Variants in ACSM5 observed in about 807,000 individuals in gnomAD.
ACSM5 encodes the protein acyl-coenzyme A synthetase ACSM5, mitochondrial.
Under a neutral mutation model 71.6 loss-of-function variants are expected in ACSM5, and 56 were observed. The observed-to-expected ratio is 0.78, with a 90% CI of 0.63 to 0.98. ACSM5 has a LOEUF of 0.98. Among genes scored for constraint, ACSM5 ranks in the 50% least tolerant of loss-of-function variants. The pLI is 0.00. For synonymous variants in ACSM5, 285 were observed against 281.5 expected, an observed-to-expected ratio of 1.01 and a Z score of -0.12; for missense variants, 723 against 726.0, an observed-to-expected ratio of 1.00 and a Z score of 0.05.
intron 8 of ACSM5, among the ~76,000 whole-genome samples, chr16:20,430,467 G>T (rs944434807): frequency 2.0e-5 from 3 of 152,030 alleles, no homozygotes; most frequent in Admixed American, 2.0e-4. Context: ...ATGTTTGAGT[G>T]CCCACTGGAG....
intron 5 of ACSM5, among the ~76,000 whole-genome samples, chr16:20,422,010 G>C (rs112987991): frequency 6.6e-6 from 1 of 151,914 alleles, no homozygotes; most frequent in Non-Finnish European, 1.5e-5. Flanking sequence ...TGTCCTCAAG[G>C]TTCATCCGTG....
intron 2 of ACSM5, among the ~76,000 whole-genome samples, chr16:20,414,897 G>A (rs964583670): frequency 7.2e-5 from 11 of 152,162 alleles, no homozygotes; most frequent in Non-Finnish European, 2.9e-5. Flanking sequence ...ACTGTTAGTA[G>A]AAATATGAAC....
intron 3 of ACSM5, among the ~76,000 whole-genome samples, 160 bp from the exon 4 acceptor site, chr16:20,419,068 T>C (rs1966865634): frequency 6.6e-6 from 1 of 152,152 alleles, no homozygotes; most frequent in Non-Finnish European, 1.5e-5. Context: ...CATGCACTTA[T>C]TCAGACGGCT....
rs750075114 is a variant in ACSM5, at chr16:20,421,229, G to A, written c.624-29G>A. ...GCTACTAACTGTTTTTACCGTGGTAGTGCCACCTAGTGTATTTACGTTTTA... is the reference window on the plus strand; with the variant it reads ...GCTACTAACTGTTTTTACCGTGGTAATGCCACCTAGTGTATTTACGTTTTA... On this transcript the variant is annotated intron_variant, in intron 4 of 13. Coordinates refer to ENST00000331849, the MANE Select transcript of ACSM5 (RefSeq NM_017888.3). 3.9e-6 allele frequency: 6 copies of A among 1,536,562 alleles called. No individual in the cohort carries two copies. In the South Asian group the frequency reaches 7.2e-5, roughly 19 times the overall value.
intron 10 of ACSM5, among the ~76,000 whole-genome samples, chr16:20,435,964 T>C (rs1392412800): frequency 3.4e-5 from 5 of 147,282 alleles, no homozygotes; most frequent in Admixed American, 6.8e-5. Flanking sequence ...TCTTTCCTTC[T>C]TTCTTCCTTC....
At chr16:20,417,054 C>T (rs183611352) in intron 2 of ACSM5, among the ~76,000 whole-genome samples, 2 of 140,560 alleles carry the variant, frequency 1.4e-5, no homozygotes, top group African/African-American at 2.6e-5. Flanking sequence ...CAATAACAAA[C>T]GTTGGAGATG....
chr16:20,417,667 T>G (rs1278402591), intron 2 of ACSM5, among the ~76,000 whole-genome samples: 1 of 152,212 alleles, frequency 6.6e-6, no homozygotes, highest in African/African-American at 2.4e-5. Flanking sequence ...TAAGAACCAG[T>G]GAGTTGTGCA....
chr16:20,412,420 T>C (rs934997935), intron 2 of ACSM5, among the ~76,000 whole-genome samples: 1 of 152,106 alleles, frequency 6.6e-6, no homozygotes, highest in African/African-American at 2.4e-5. Context: ...GCTCAAAGCT[T>C]TTTGCAGATC....
At chr16:20,421,019 G>T in intron 4 of ACSM5, 1 of 329,146 alleles carries the variant, frequency 3.0e-6, no homozygotes, top group Non-Finnish European at 5.4e-6. Context: ...AAGAAAGCAT[G>T]GACTCTTTTG....
rs756148390 is a variant in ACSM5, at chr16:20,411,645, A to G, written c.161A>G (p.Asn54Ser). 1.3e-5 allele frequency: 21 copies of G among 1,614,144 alleles called. No homozygotes were observed. The South Asian group carries it at 1.9e-4, about 14-fold the overall frequency. Residue 54 changes from asparagine (N) to serine (S), a missense_variant, in exon 2 of 14, where the codon AAC (asparagine) becomes AGC (serine). Coordinates refer to ENST00000331849, the MANE Select transcript of ACSM5 (RefSeq NM_017888.3). ...AGGCAGCTGGTGCCTGAGTACTTCA[A>G]CTTCGCCCATGATGTGCTGGATGTG... ...LGRQLVPEYF[N>S]FAHDVLDVWS...
intron 5 of ACSM5, 129 bp from the exon 6 acceptor site, chr16:20,423,787 T>G (rs1190582444): frequency 9.3e-7 from 1 of 1,075,802 alleles, no homozygotes; most frequent in Non-Finnish European, 1.4e-6. Flanking sequence ...TTGATGGTCT[T>G]GTTCAGGTTT....
At chr16:20,432,149 T>C (rs1967112552) in intron 10 of ACSM5, among the ~76,000 whole-genome samples, 1 of 152,118 alleles carries the variant, frequency 6.6e-6, no homozygotes, top group African/African-American at 2.4e-5. Flanking sequence ...GGCTTTCTTT[T>C]CTTCACAGCT....
In ACSM5 at chr16:20,427,873, G is replaced by T. The variant is rs1732870778; in HGVS notation, c.1001+6G>T. On this transcript the variant is annotated splice_donor_region_variant and intron_variant, in intron 7 of 13. Transcript: ENST00000331849. ...GTGCAGGAGGATCTGACCAGGTACA[G>T]CCCGTCTATTTCGTGCTTTGAGGGC... 1 of 1,610,454 alleles carries T rather than the reference G, an allele frequency of 6.2e-7. No individual in the cohort carries two copies. The highest frequency in any genetic ancestry group is 8.5e-7 in the Non-Finnish European group (1 of 1,176,962).
intron 4 of ACSM5, among the ~76,000 whole-genome samples, chr16:20,420,472 C>T (rs565537479): frequency 1.6e-4 from 25 of 152,280 alleles, no homozygotes; most frequent in East Asian, 1.9e-4. Context: ...TGGTGGCGCA[C>T]GCCTATATTC....
At position 20,421,654 on chromosome 16, in the gene ACSM5, TATAC is replaced by T. The variant is rs1401247556; in HGVS notation, c.767+255_767+258del. On this transcript the variant is annotated intron_variant, in intron 5 of 13. Coordinates refer to ENST00000331849, the MANE Select transcript of ACSM5 (RefSeq NM_017888.3). Reference sequence around the variant, plus strand: ...ATATATATATATATATATATATATATATACACACACACATATATATACATACATA... The same window carrying T: ...ATATATATATATATATATATATATATACACACACATATATATACATACATA... Among the ~76,000 whole-genome samples, 19 of 99,890 alleles carry T rather than the reference TATAC, an allele frequency of 1.9e-4. No individual in the cohort carries two copies. In the South Asian group the frequency reaches 4.2e-3, roughly 22 times the overall value. The allele number at this position is 99,890 out of a possible 152,430, so 65.5% of individuals were successfully genotyped here. A position where few individuals can be genotyped will look rare whatever the true frequency, so the allele number is the denominator to read the frequency against.
chr16:20,439,676 A>C (rs988177822), intron 12 of ACSM5, 124 bp from the exon 13 acceptor site: 30 of 1,203,182 alleles, frequency 2.5e-5, no homozygotes, highest in African/African-American at 1.2e-4. Flanking sequence ...GGCTGTGCCC[A>C]AAAAAAACTA....
At chr16:20,431,984 C>T (rs1967110316) in intron 10 of ACSM5, among the ~76,000 whole-genome samples, 1 of 142,236 alleles carries the variant, frequency 7.0e-6, no homozygotes, top group South Asian at 2.5e-4. Flanking sequence ...TAAATAAATA[C>T]ATAAAGGTCA....
chr16:20,410,127 GC>G lies in ACSM5; in HGVS notation c.-16+464del, dbSNP rs1240685323. Reference sequence around the variant, plus strand: ...TGTTATAAAGATTTCATGAAATAATGCCTCTAAGCACTCTTAAAATGCTTGG... The same window carrying G: ...TGTTATAAAGATTTCATGAAATAATGCTCTAAGCACTCTTAAAATGCTTGG... On this transcript the variant is annotated intron_variant, in intron 1 of 13. Transcript: ENST00000331849. Among the ~76,000 whole-genome samples the G allele has an allele frequency of 2.0e-5, 3 of 152,264 alleles. No homozygotes were observed. The East Asian group carries it at 5.8e-4, about 29-fold the overall frequency.
chr16:20,414,892 T>C (rs768022197), intron 2 of ACSM5, among the ~76,000 whole-genome samples: 1 of 152,202 alleles, frequency 6.6e-6, no homozygotes, highest in African/African-American at 2.4e-5. Flanking sequence ...TGAAGACTGT[T>C]AGTAGAAATA....
Sources: allele counts gnomAD v4.1 joint callset (sites outside exome capture counted in the v4.1 genomes callset), GRCh38; gene constraint gnomAD v4.1.1; transcripts MANE v1.5; gene names NCBI Gene and HGNC (gene_info 2026-07-23, HGNC 2026-07-21).